Variants in NUDT3 observed in about 807,000 individuals in gnomAD.
NUDT3 encodes the protein nudix hydrolase 3.
Under a neutral mutation model 23.6 loss-of-function variants are expected in NUDT3, and 9 were observed. The ratio of observed to expected loss-of-function variants is 0.38; its 90% CI spans 0.23 to 0.66. The LOEUF (loss-of-function observed/expected upper bound fraction) is 0.66, where lower values mean the gene tolerates loss of function less well. NUDT3 is among the 30% of genes least tolerant of loss of function. The pLI is 0.52. For missense variants in NUDT3, 172 were observed against 218.5 expected (o/e 0.79, Z 1.34); for synonymous variants, 86 against 82.6 (o/e 1.04, Z -0.22).
chr6:34,343,026 A>G (rs1764310873), intron 1 of NUDT3, among the ~76,000 whole-genome samples: 1 of 152,134 alleles, frequency 6.6e-6, no homozygotes, highest in African/African-American at 2.4e-5. Context: ...TCTACAAAAT[A>G]TGTGATCTGT....
At chr6:34,382,248 T>C (rs1234008236) in intron 1 of NUDT3, among the ~76,000 whole-genome samples, 2 of 150,004 alleles carry the variant, frequency 1.3e-5, no homozygotes, top group Non-Finnish European at 3.0e-5. Flanking sequence ...ATAAAAAAAA[T>C]ATATATTAGG....
chr6:34,307,015 T>C (rs971304631), intron 2 of NUDT3, among the ~76,000 whole-genome samples: 1 of 152,182 alleles, frequency 6.6e-6, no homozygotes, highest in Non-Finnish European at 1.5e-5. Context: ...GCGCAATTTG[T>C]GAAGAGGAGT....
intron 2 of NUDT3, among the ~76,000 whole-genome samples, chr6:34,336,305 T>G (rs1350329288): frequency 6.6e-6 from 1 of 152,048 alleles, no homozygotes; most frequent in Non-Finnish European, 1.5e-5. Context: ...TTGAGTGGGG[T>G]GGGGGAGTTT....
In NUDT3 at chr6:34,304,975, ATTTTTTTTTTTTTTT is replaced by A. The variant is rs535349190; in HGVS notation, c.211-9305_211-9291del. On this transcript the variant is annotated intron_variant, in intron 2 of 4. Coordinates refer to ENST00000607016, the MANE Select transcript of NUDT3 (RefSeq NM_006703.4). Reference sequence around the variant, plus strand: ...GCATGAGCCACTGTGCCCGGTCTGAATTTTTTTTTTTTTTTTTTTTTTTTTGAGACAGAGTCTTGC... The same window carrying A: ...GCATGAGCCACTGTGCCCGGTCTGAATTTTTTTTTTGAGACAGAGTCTTGC... Among the ~76,000 whole-genome samples, 505 of 85,360 alleles carry A rather than the reference ATTTTTTTTTTTTTTT, an allele frequency of 5.9e-3. 4 individuals are homozygous for A. The highest frequency in any genetic ancestry group is 0.017 in the Admixed American group (106 of 6,370). 56.0% of individuals were successfully genotyped at this position (85,360 alleles called of 152,430 possible).
Position 34,293,518 on chromosome 6 carries a change from G to A in NUDT3, c.273C>T (p.His91=). 1 of 1,614,154 alleles carries A rather than the reference G, an allele frequency of 6.2e-7. No individual in the cohort carries two copies. Among genetic ancestry groups the A allele is most frequent in the African/African-American group, 1.3e-5 (1 of 75,034 alleles). Residue 91 remains histidine, a synonymous_variant, in exon 4 of 5, where the codon CAC becomes CAT. Coordinates refer to ENST00000607016, the MANE Select transcript of NUDT3 (RefSeq NM_006703.4). ...CAATGAGCACATAGACATACGTCCT[G>A]TGCTTCCTCTCCTGGTTCTGAAGGG... is the stretch of plus-strand genomic sequence containing the variant. ...VGIFENQERK[H]RTYVYVLIVT...
At chr6:34,355,352 C>A (rs944641155) in intron 1 of NUDT3, among the ~76,000 whole-genome samples, 1 of 151,842 alleles carries the variant, frequency 6.6e-6, no homozygotes, top group African/African-American at 2.4e-5. Context: ...AATGTTAAAC[C>A]AGCCTTGTAT....
intron 2 of NUDT3, among the ~76,000 whole-genome samples, chr6:34,308,979 A>G (rs1212532032): frequency 6.6e-6 from 1 of 152,208 alleles, no homozygotes; most frequent in Non-Finnish European, 1.5e-5. Flanking sequence ...CTCACATGGA[A>G]CATTCAACAA....
chr6:34,297,755 ATATAAT>A lies in NUDT3; in HGVS notation c.211-2076_211-2071del, dbSNP rs1299125753. Among the ~76,000 whole-genome samples, 110 of 90,380 alleles carry A rather than the reference ATATAAT, an allele frequency of 1.2e-3. 3 individuals are homozygous for A. Among genetic ancestry groups the A allele is most frequent in the African/African-American group, 4.7e-3 (90 of 19,306 alleles). 59.3% of individuals were successfully genotyped at this position (90,380 alleles called of 152,430 possible). A position where few individuals can be genotyped will look rare whatever the true frequency, so the allele number is the denominator to read the frequency against. On this transcript the variant is annotated intron_variant, in intron 2 of 4. Coordinates refer to ENST00000607016, the MANE Select transcript of NUDT3 (RefSeq NM_006703.4). ...AATATATATATATATATATATATAT[ATATAAT>A]TTTTTTTTTTTTTTTAGTAGAGACG...
chr6:34,308,763 A>G (rs1216330421), intron 2 of NUDT3, among the ~76,000 whole-genome samples: 2 of 152,198 alleles, frequency 1.3e-5, no homozygotes, highest in East Asian at 1.9e-4. Context: ...CTTAATGTGT[A>G]TATGCCTAAC....
chr6:34,363,007 G>C (rs1764673381), intron 1 of NUDT3, among the ~76,000 whole-genome samples: 2 of 152,130 alleles, frequency 1.3e-5, no homozygotes, highest in African/African-American at 4.8e-5. Context: ...TCCGAATAAA[G>C]AGCTTTTGGT....
intron 2 of NUDT3, among the ~76,000 whole-genome samples, chr6:34,312,259 G>A (rs1223676635): frequency 6.6e-6 from 1 of 151,958 alleles, no homozygotes; most frequent in Non-Finnish European, 1.5e-5. Context: ...AAAATTAGCC[G>A]AGTGTGGTGG....
Position 34,350,876 on chromosome 6 carries a change from T to C in NUDT3, c.100-8904A>G, listed in dbSNP as rs529723012. 6.6e-5 allele frequency among the ~76,000 whole-genome samples: 10 copies of C among 150,512 alleles called. No individual in the cohort carries two copies. In the East Asian group the frequency reaches 1.9e-3, roughly 29 times the overall value. On this transcript the variant is annotated intron_variant, in intron 1 of 4. Coordinates refer to ENST00000607016, the MANE Select transcript of NUDT3 (RefSeq NM_006703.4). ...AGTACAAAGAAACACCATACTGTGC[T>C]ATGAACAGATATTCTGACAGTTTTT...
Position 34,283,161 on chromosome 6 carries a change from G to A in NUDT3, c.*5592C>T. ...GTGACTGCTAGCCTCAGCTCAAGTA[G>A]TGTGCCCAAATCATCACAAAATGGG... On this transcript the variant is annotated 3_prime_UTR_variant, in exon 5 of 5. Coordinates refer to ENST00000607016, the MANE Select transcript of NUDT3 (RefSeq NM_006703.4). The A allele has an allele frequency of 6.6e-6, 1 of 151,202 alleles. No individual in the cohort carries two copies. The allele number at this position is 151,202 out of a possible 1,614,324, so 9.4% of individuals were successfully genotyped here.
intron 1 of NUDT3, among the ~76,000 whole-genome samples, chr6:34,368,562 GAC>G (rs1002460715): frequency 1.3e-5 from 2 of 152,198 alleles, no homozygotes; most frequent in African/African-American, 2.4e-5. Context: ...ATGAATCTCA[GAC>G]AGCAATTTTC....
Position 34,285,105 on chromosome 6 carries a change from T to G in NUDT3, c.*3648A>C, listed in dbSNP as rs1326973238. On this transcript the variant is annotated 3_prime_UTR_variant, in exon 5 of 5. Transcript: ENST00000607016. ...ACACCCTTTGATCCTTCCAGATGGC[T>G]CAGCCTAGATCTAGCAGTGAGAGAG... is the stretch of plus-strand genomic sequence containing the variant. 1 of 152,154 alleles carries G rather than the reference T, an allele frequency of 6.6e-6. No individual in the cohort carries two copies. The highest frequency in any genetic ancestry group is 1.5e-5 in the Non-Finnish European group (1 of 68,034). 9.4% of individuals were successfully genotyped at this position (152,154 alleles called of 1,614,324 possible).
At chr6:34,293,806 A>G (rs1763459397) in intron 3 of NUDT3, among the ~76,000 whole-genome samples, 1 of 152,154 alleles carries the variant, frequency 6.6e-6, no homozygotes, top group African/African-American at 2.4e-5. Context: ...GAATACTATG[A>G]GAAGAAAAAG....
intron 1 of NUDT3, among the ~76,000 whole-genome samples, chr6:34,381,194 T>G (rs1169101614): frequency 6.6e-6 from 1 of 152,064 alleles, no homozygotes; most frequent in Non-Finnish European, 1.5e-5. Context: ...TTTTTAAATT[T>G]TTTTATAGAG....
Position 34,285,831 on chromosome 6 carries a change from G to A in NUDT3, c.*2922C>T, listed in dbSNP as rs1174513651. The A allele has an allele frequency of 6.6e-6, 1 of 152,184 alleles. No individual in the cohort carries two copies. The highest frequency in any genetic ancestry group is 6.5e-5 in the Admixed American group (1 of 15,274). The allele number at this position is 152,184 out of a possible 1,614,324, so 9.4% of individuals were successfully genotyped here. ...AAACAGCACCAGTTTCAACAATTCT[G>A]ATGTTGGACAAAGCCTCTTTTTGTC... is the stretch of plus-strand genomic sequence containing the variant. On this transcript the variant is annotated 3_prime_UTR_variant, in exon 5 of 5. Coordinates refer to ENST00000607016, the MANE Select transcript of NUDT3 (RefSeq NM_006703.4).
chr6:34,302,740 A>G (rs1296490505), intron 2 of NUDT3, among the ~76,000 whole-genome samples: 1 of 152,216 alleles, frequency 6.6e-6, no homozygotes, highest in African/African-American at 2.4e-5. Context: ...TCTCAAAAAA[A>G]CAAAACAAAA....
Sources: gnomAD v4.1 joint callset for allele counts (sites outside exome capture counted in the v4.1 genomes callset) on GRCh38, gnomAD v4.1.1 for gene constraint, MANE v1.5 for transcripts, NCBI Gene and HGNC (gene_info 2026-07-23, HGNC 2026-07-21) for gene names.